Variants in GAS2L3 observed in about 807,000 individuals in gnomAD.
GAS2L3 encodes the protein growth arrest specific 2 like 3.
A neutral mutation model predicts 37.0 loss-of-function variants in GAS2L3; 28 were observed. That is an observed-to-expected ratio of 0.76 (90% CI 0.56 to 1.04). The LOEUF is 1.04. Ranked by LOEUF, GAS2L3 falls within the 50% of genes least tolerant of loss-of-function variation. The probability of loss-of-function intolerance (pLI) is 0.00; values close to 1 mark genes in which losing one functional copy is unlikely to be tolerated. For synonymous variants in GAS2L3, 290 were observed against 296.6 expected (o/e 0.98, Z 0.23); for missense variants, 793 against 817.6 (o/e 0.97, Z 0.37).
At chr12:100,584,785 A>G (rs1045226622) in intron 1 of GAS2L3, among the ~76,000 whole-genome samples, 9 of 149,746 alleles carry the variant, frequency 6.0e-5, no homozygotes, top group African/African-American at 2.2e-4. Flanking sequence ...GTTGGCCAGG[A>G]TGGTCTTGAT....
intron 1 of GAS2L3, chr12:100,579,481 A>G: frequency 2.6e-6 from 2 of 771,504 alleles, no homozygotes; most frequent in Admixed American, 1.7e-5. Context: ...GTGGTATTAT[A>G]CCCAAACTCT....
At chr12:100,576,031 TA>T (rs1248899666) in intron 1 of GAS2L3, among the ~76,000 whole-genome samples, 1 of 152,156 alleles carries the variant, frequency 6.6e-6, no homozygotes, top group Non-Finnish European at 1.5e-5. Context: ...AAATTTGTGA[TA>T]AAAGAATAGT....
intron 1 of GAS2L3, among the ~76,000 whole-genome samples, chr12:100,586,184 C>G (rs1955779043): frequency 6.6e-6 from 1 of 152,106 alleles, no homozygotes; most frequent in African/African-American, 2.4e-5. Context: ...AGAAAATCAA[C>G]CAAGAAACAA....
chr12:100,595,046 T>G, intron 3 of GAS2L3, 124 bp downstream of exon 3: 1 of 415,370 alleles, frequency 2.4e-6, no homozygotes, highest in Non-Finnish European at 4.4e-6. Flanking sequence ...CATCACATTT[T>G]AATAACACAT....
intron 5 of GAS2L3, chr12:100,610,937 C>A (rs1956119573): frequency 1.3e-5 from 2 of 150,552 alleles, no homozygotes; most frequent in Non-Finnish European, 2.9e-5. Flanking sequence ...TCAGAACCAT[C>A]TTTATTAATC....
At chr12:100,579,329 G>C (rs1955678747) in intron 1 of GAS2L3, 6 of 668,856 alleles carry the variant, frequency 9.0e-6, no homozygotes, top group Admixed American at 2.4e-5. Context: ...CGTACTACGA[G>C]CGGCACTGAT....
In GAS2L3 at chr12:100,624,285, A is replaced by C. The variant is rs148013814; in HGVS notation, c.1480A>C (p.Asn494His). The change falls in exon 10 of 10, where the codon AAT becomes CAT. Residue 494 changes from asparagine to histidine, a missense_variant. Transcript: ENST00000547754. ...NAVSHLAAHSNSSSKCPKLPK... is the reference protein window; with the variant it reads ...NAVSHLAAHSHSSSKCPKLPK... The stretch of plus-strand genomic sequence containing the variant: ...AGTATCTCACTTAGCTGCACATTCA[A>C]ATTCATCCTCAAAATGTCCCAAGCT... The C allele has an allele frequency of 1.2e-6, 2 of 1,613,812 alleles. No homozygotes were observed. Among genetic ancestry groups the C allele is most frequent in the African/African-American group, 2.7e-5 (2 of 74,872 alleles).
rs1435611009 is a variant in GAS2L3, at chr12:100,628,257, T to C, written c.*3367T>C. 6.6e-6 allele frequency: 1 copy of C among 152,198 alleles called. No homozygotes were observed. Among genetic ancestry groups the C allele is most frequent in the Non-Finnish European group, 1.5e-5 (1 of 68,016 alleles). 9.4% of individuals were successfully genotyped at this position (152,198 alleles called of 1,614,324 possible). On this transcript the variant is annotated 3_prime_UTR_variant, in exon 10 of 10. Coordinates refer to ENST00000547754, the MANE Select transcript of GAS2L3 (RefSeq NM_174942.3). ...TGTATCCAATTTTAACTTAGGTTTGTTTTCTTGAGTATTAAAATTTAAACA... is the reference window on the plus strand; with the variant it reads ...TGTATCCAATTTTAACTTAGGTTTGCTTTCTTGAGTATTAAAATTTAAACA...
intron 1 of GAS2L3, among the ~76,000 whole-genome samples, chr12:100,586,385 C>T (rs1955781504): frequency 6.6e-6 from 1 of 152,198 alleles, no homozygotes; most frequent in African/African-American, 2.4e-5. Flanking sequence ...AGCACTCTCT[C>T]AGACCACAGA....
rs1039153826 is a variant in GAS2L3 at position 100,617,767 on chromosome 12, G to A, written c.469G>A (p.Val157Met). 11 of 1,607,056 alleles carry A rather than the reference G, an allele frequency of 6.8e-6. No homozygotes were observed. Among genetic ancestry groups the A allele is most frequent in the Admixed American group, 5.0e-5 (3 of 59,840 alleles). Residue 157 changes from valine to methionine, a missense_variant, in exon 7 of 10, where the codon GTG becomes ATG. Physicochemically the swap from Val to Met is conservative, Grantham distance 21 (BLOSUM62 1). Transcript: ENST00000547754. ...GLVLHKDPRQ[V>M]YLCLLEIGRI... Reference sequence around the variant, plus strand: ...AGTTTTGCACAAAGATCCAAGACAGGTGTATCTTTGTCTTCTTGAAATTGG... The same window carrying A: ...AGTTTTGCACAAAGATCCAAGACAGATGTATCTTTGTCTTCTTGAAATTGG...
intron 1 of GAS2L3, among the ~76,000 whole-genome samples, chr12:100,576,699 C>A (rs1955641629): frequency 6.6e-6 from 1 of 152,090 alleles, no homozygotes; most frequent in African/African-American, 2.4e-5. Flanking sequence ...TTTAATGTTT[C>A]TCCTAAAAAC....
chr12:100,614,665 C>T (rs540868193), intron 6 of GAS2L3, among the ~76,000 whole-genome samples: 2 of 152,120 alleles, frequency 1.3e-5, no homozygotes, highest in Non-Finnish European at 2.9e-5. Flanking sequence ...AAATCTGTAC[C>T]TATTAGCAAT....
Position 100,624,648 on chromosome 12 carries a change from A to G in GAS2L3, c.1843A>G (p.Ile615Val), listed in dbSNP as rs758665778. The change falls in exon 10 of 10, where the codon ATC (isoleucine) becomes GTC (valine). Residue 615 changes from isoleucine (I) to valine (V), a missense_variant. Ile to Val is a conservative substitution (Grantham distance 29). Coordinates refer to ENST00000547754, the MANE Select transcript of GAS2L3 (RefSeq NM_174942.3). ...LKSPGRTPLSIVSLPQSSTKT... is the reference protein window; with the variant it reads ...LKSPGRTPLSVVSLPQSSTKT... ...GTCTCCTGGCCGTACCCCACTGTCC[A>G]TCGTGAGCCTACCCCAGTCTTCTAC... 1.2e-6 allele frequency: 2 copies of G among 1,614,112 alleles called. No individual in the cohort carries two copies. Among genetic ancestry groups the G allele is most frequent in the Non-Finnish European group, 1.7e-6 (2 of 1,180,012 alleles).
intron 1 of GAS2L3, among the ~76,000 whole-genome samples, chr12:100,590,815 G>A (rs564646702): frequency 4.2e-4 from 64 of 152,300 alleles, no homozygotes; most frequent in African/African-American, 1.5e-3. Context: ...ATTATTCTAA[G>A]TGAAGTAACT....
intron 4 of GAS2L3, among the ~76,000 whole-genome samples, chr12:100,601,202 A>G (rs1955984359): frequency 6.6e-6 from 1 of 152,122 alleles, no homozygotes. Context: ...TATCAGTTTG[A>G]TGGATAATAT....
intron 4 of GAS2L3, 135 bp from the exon 5 acceptor site, chr12:100,601,503 C>T (rs1008907657): frequency 1.1e-5 from 6 of 528,704 alleles, no homozygotes; most frequent in African/African-American, 7.9e-5. Context: ...TTAACTGTAC[C>T]TTCTAAGAGT....
intron 2 of GAS2L3, among the ~76,000 whole-genome samples, chr12:100,592,221 A>G (rs116784519): frequency 0.015 from 2,287 of 152,198 alleles, 60 homozygotes; most frequent in African/African-American, 0.052. Context: ...ACTTGATCCT[A>G]TCCTTGCAGC....
At chr12:100,595,406 T>TTTG (rs1565802421) in intron 3 of GAS2L3, among the ~76,000 whole-genome samples, 4 of 151,576 alleles carry the variant, frequency 2.6e-5, no homozygotes, top group African/African-American at 7.3e-5. Context: ...GGGTTTTTTT[T>TTTG]TTTTTGTTTT....
intron 1 of GAS2L3, among the ~76,000 whole-genome samples, chr12:100,584,630 G>C (rs1955755561): frequency 6.6e-6 from 1 of 151,672 alleles, no homozygotes; most frequent in Admixed American, 6.6e-5. Flanking sequence ...CTGGAGTGCA[G>C]TGGTACAATC....
Sources: gnomAD v4.1 joint callset for allele counts (sites outside exome capture counted in the v4.1 genomes callset) on GRCh38, gnomAD v4.1.1 for gene constraint, MANE v1.5 for transcripts, NCBI Gene and HGNC (gene_info 2026-07-23, HGNC 2026-07-21) for gene names.